Variants in GPHN observed in about 807,000 individuals in gnomAD.
The protein encoded by GPHN is gephyrin.
A neutral mutation model predicts 95.5 loss-of-function variants in GPHN; 17 were observed. That is an observed-to-expected ratio of 0.18 (90% confidence interval 0.12 to 0.27). The LOEUF is 0.27. Ranked by LOEUF, GPHN falls within the 10% of genes least tolerant of loss-of-function variation. The pLI is 1.00. For missense variants in GPHN, 660 were observed against 978.1 expected (o/e 0.67, Z 4.34); for synonymous variants, 320 against 322.5 (o/e 0.99, Z 0.08).
the GPHN span, among the ~76,000 whole-genome samples, chr14:67,192,282 T>C: frequency 6.6e-6 from 1 of 152,206 alleles, no homozygotes; most frequent in African/African-American, 2.4e-5. Context: ...TCCATGTGTC[T>C]GTGCCATGGA....
chr14:67,515,967 T>A, the GPHN span, among the ~76,000 whole-genome samples: 2 of 152,252 alleles, frequency 1.3e-5, no homozygotes, highest in Non-Finnish European at 2.9e-5. Flanking sequence ...GGCTCACGAT[T>A]TGCTTTATAC....
chr14:67,302,782 C>A, the GPHN span, among the ~76,000 whole-genome samples: 2 of 152,052 alleles, frequency 1.3e-5, no homozygotes, highest in East Asian at 3.8e-4. Context: ...ATCACTATCA[C>A]ATATATTTTA....
the GPHN span, chr14:67,580,134 A>C: frequency 4.9e-6 from 2 of 407,204 alleles, no homozygotes; most frequent in South Asian, 6.5e-5. Flanking sequence ...CGTCCAGAAG[A>C]AAAGCCTCTT....
At chr14:67,579,771 G>C in the GPHN span, 1 of 1,612,850 alleles carries the variant, frequency 6.2e-7, no homozygotes, top group Non-Finnish European at 8.5e-7. Flanking sequence ...TCCAGCGGCT[G>C]AACCAGGAGA....
intron 1 of GPHN, among the ~76,000 whole-genome samples, chr14:66,540,913 A>G (rs1180345981): frequency 6.6e-6 from 1 of 152,060 alleles, no homozygotes; most frequent in Non-Finnish European, 1.5e-5. Flanking sequence ...AGCTGGGATT[A>G]CAGGTGTGAG....
chr14:66,745,369 C>T (rs766527), intron 2 of GPHN, among the ~76,000 whole-genome samples: 47,282 of 151,888 alleles, frequency 0.31, 11,182 homozygotes, highest in African/African-American at 0.64. Flanking sequence ...CAGCATGTTT[C>T]CCTAAAATTA....
At chr14:66,726,292 G>T (rs1031559336) in intron 2 of GPHN, among the ~76,000 whole-genome samples, 1 of 152,130 alleles carries the variant, frequency 6.6e-6, no homozygotes, top group African/African-American at 2.4e-5. Context: ...GATGCTGTCA[G>T]CAGTAGCATA....
the GPHN span, among the ~76,000 whole-genome samples, chr14:67,284,164 A>G: frequency 6.6e-6 from 1 of 152,150 alleles, no homozygotes; most frequent in African/African-American, 2.4e-5. Flanking sequence ...GAGATCATCT[A>G]ACTCTGTAGT....
intron 19 of GPHN, among the ~76,000 whole-genome samples, chr14:67,161,166 T>G (rs1464655605): frequency 1.3e-5 from 2 of 152,102 alleles, no homozygotes; most frequent in Non-Finnish European, 2.9e-5. Context: ...TGGTGGCTTG[T>G]GCCTCTAGTC....
intron 3 of GPHN, among the ~76,000 whole-genome samples, chr14:66,789,391 A>G (rs976936388): frequency 2.6e-5 from 4 of 152,212 alleles, no homozygotes; most frequent in Non-Finnish European, 5.9e-5. Flanking sequence ...TTTTTAAGCC[A>G]TTTAATTAGA....
chr14:67,225,318 TCA>T, the GPHN span: 3 of 1,280,472 alleles, frequency 2.3e-6, no homozygotes, highest in African/African-American at 4.6e-5. Context: ...TATGATACTG[TCA>T]CACAAAAAAG....
At chr14:66,836,344 AG>A (rs1335226741) in intron 4 of GPHN, among the ~76,000 whole-genome samples, 2 of 142,194 alleles carry the variant, frequency 1.4e-5, no homozygotes, top group African/African-American at 5.6e-5. Context: ...CAATGGGGAA[AG>A]GATTCCCTAT....
intron 5 of GPHN, among the ~76,000 whole-genome samples, chr14:66,915,767 A>G (rs2065865961): frequency 6.6e-6 from 1 of 152,170 alleles, no homozygotes; most frequent in South Asian, 2.1e-4. Context: ...AAGTAGGTAA[A>G]TTATTCTGAT....
At position 67,123,714 on chromosome 14, in the gene GPHN, C is replaced by T. The variant is rs141500632; in HGVS notation, c.1748+1337C>T. ...GTAAACAAATTAAGCTTCTCCAACC[C>T]GTGGCCCATGGACCACGTACAACCC... On this transcript the variant is annotated intron_variant, in intron 17 of 22. Transcript: ENST00000478722. Among the ~76,000 whole-genome samples, 87 of 152,256 alleles carry T rather than the reference C, an allele frequency of 5.7e-4. No individual in the cohort carries two copies. The East Asian group carries it at 0.016, about 28-fold the overall frequency.
At chr14:67,129,859 G>A (rs954293740) in intron 17 of GPHN, among the ~76,000 whole-genome samples, 2 of 150,558 alleles carry the variant, frequency 1.3e-5, no homozygotes, top group South Asian at 2.1e-4. Flanking sequence ...GAAGGAAGGC[G>A]GAGGGAGGGA....
At chr14:67,729,069 T>C in the GPHN span, 1 of 1,009,784 alleles carries the variant, frequency 9.9e-7, no homozygotes, top group Non-Finnish European at 1.6e-6. Flanking sequence ...TGGTACCTGC[T>C]GAATCCTGGG....
intron 5 of GPHN, among the ~76,000 whole-genome samples, chr14:66,911,411 A>C (rs529000860): frequency 1.1e-4 from 16 of 152,066 alleles, no homozygotes; most frequent in African/African-American, 3.9e-4. Flanking sequence ...TAAATGGGTA[A>C]GTTGTATGGT....
the GPHN span, among the ~76,000 whole-genome samples, chr14:67,545,387 G>A: frequency 6.6e-6 from 1 of 152,158 alleles, no homozygotes; most frequent in African/African-American, 2.4e-5. Flanking sequence ...AGAGAGGATA[G>A]ATAATAGGGA....
chr14:67,279,366 A>C, the GPHN span: 2 of 1,614,028 alleles, frequency 1.2e-6, no homozygotes, highest in African/African-American at 1.3e-5. Flanking sequence ...ACAGGAGGAC[A>C]TGAGGCGTAG....
Sources: gnomAD v4.1 joint callset for allele counts (sites outside exome capture counted in the v4.1 genomes callset) on GRCh38, gnomAD v4.1.1 for gene constraint, MANE v1.5 for transcripts, NCBI Gene and HGNC (gene_info 2026-07-23, HGNC 2026-07-21) for gene names.